The following ZSCAN1 variants were observed in gnomAD, a reference collection of about 807,000 sequenced individuals.
The protein encoded by ZSCAN1 is zinc finger and SCAN domain-containing protein 1.
Under a neutral mutation model 23.8 loss-of-function variants are expected in ZSCAN1, and 23 were observed. The ratio of observed to expected loss-of-function variants is 0.97; its 90% CI spans 0.70 to 1.37. The LOEUF (loss-of-function observed/expected upper bound fraction) is 1.37. Among genes scored for constraint, ZSCAN1 ranks in the 40% most tolerant of loss-of-function variants. The pLI is 0.00. For synonymous variants in ZSCAN1, 236 were observed against 232.3 expected (o/e 1.02, Z -0.15); for missense variants, 575 against 554.0 (o/e 1.04, Z -0.38).
intron 1 of ZSCAN1, 76 bp from the exon 2 acceptor site, chr19:58,035,894 C>T (rs1202417925): frequency 6.6e-6 from 1 of 152,198 alleles, no homozygotes; most frequent in African/African-American, 2.4e-5. Flanking sequence ...TTTCACTTGT[C>T]ATAAGCATTT....
In ZSCAN1 at chr19:58,038,064, G is replaced by C; in HGVS notation, c.228G>C (p.Gln76His). 1 of 1,611,970 alleles carries C rather than the reference G, an allele frequency of 6.2e-7. No individual in the cohort carries two copies. Among genetic ancestry groups the C allele is most frequent in the Non-Finnish European group, 8.5e-7 (1 of 1,179,828 alleles). The change falls in exon 3 of 6, where the codon CAG becomes CAC. Residue 76 changes from glutamine (Q) to histidine (H), a missense_variant. Transcript: ENST00000282326. Reference sequence around the variant, plus strand: ...GGCCCGAGGCGCGCTCCAAGGAGCAGATGCTGGAGCTGCTGGTGCTGGAGC... The same window carrying C: ...GGCCCGAGGCGCGCTCCAAGGAGCACATGCTGGAGCTGCTGGTGCTGGAGC... ...WLRPEARSKE[Q>H]MLELLVLEQF...
intron 3 of ZSCAN1, chr19:58,038,542 T>C (rs1215657823): frequency 3.6e-6 from 2 of 550,170 alleles, no homozygotes; most frequent in East Asian, 6.1e-5. Flanking sequence ...CTGCAGCGCC[T>C]CCTGCAACAC....
chr19:58,034,283 C>T (rs1288903780), intron 1 of ZSCAN1, 122 bp downstream of exon 1: 2 of 150,616 alleles, frequency 1.3e-5, no homozygotes, highest in Non-Finnish European at 3.0e-5. Context: ...CAGGGGCGCG[C>T]GTCGGGGGAG....
At chr19:58,050,432 T>C (rs1179811361) in intron 4 of ZSCAN1, among the ~76,000 whole-genome samples, 3 of 152,010 alleles carry the variant, frequency 2.0e-5, no homozygotes, top group Non-Finnish European at 4.4e-5. Flanking sequence ...TGAGACCCTG[T>C]CTCTAAATAA....
Position 58,054,189 on chromosome 19 carries a change from C to T in ZSCAN1, c.*138C>T, listed in dbSNP as rs2123448077. On this transcript the variant is annotated 3_prime_UTR_variant, in exon 6 of 6. Transcript: ENST00000282326. The surrounding 1 kb of genome is among the most constrained non-coding windows in gnomAD (Gnocchi z 4.2). ...TCCTCTTGAAGGACACAAGCTGTTTCTCGGAAGACCCTGGACACCTGCTCC... is the reference window on the plus strand; with the variant it reads ...TCCTCTTGAAGGACACAAGCTGTTTTTCGGAAGACCCTGGACACCTGCTCC... 7 of 1,212,972 alleles carry T rather than the reference C, an allele frequency of 5.8e-6. No individual in the cohort carries two copies. The highest frequency in any genetic ancestry group is 7.7e-6 in the Non-Finnish European group (7 of 903,868). The allele number at this position is 1,212,972 out of a possible 1,614,324, so 75.1% of individuals were successfully genotyped here.
In ZSCAN1 at chr19:58,047,067, C is replaced by T. The variant is rs1488468953; in HGVS notation, c.466-5423C>T. On this transcript the variant is annotated intron_variant, in intron 4 of 5. Coordinates refer to ENST00000282326, the MANE Select transcript of ZSCAN1 (RefSeq NM_182572.4). The surrounding 1 kb of genome is among the most constrained non-coding windows in gnomAD (Gnocchi z 4.9). ...AGGTGCCCCCCTGTGTGTGGCCTCA[C>T]GTCTCAGTGTCTGACTGTGCTGCCC... Among the ~76,000 whole-genome samples the T allele has an allele frequency of 1.3e-5, 2 of 152,212 alleles. No individual in the cohort carries two copies. Among genetic ancestry groups the T allele is most frequent in the South Asian group, 2.1e-4 (1 of 4,826 alleles).
chr19:58,037,099 G>A lies in ZSCAN1; in HGVS notation c.-109-629G>A, dbSNP rs539398920. On this transcript the variant is annotated intron_variant, in intron 2 of 5. Coordinates refer to ENST00000282326, the MANE Select transcript of ZSCAN1 (RefSeq NM_182572.4). Reference sequence around the variant, plus strand: ...AGCTTGGACCTGGTAGGAAAGTCAGGAAGACAGCAAAGATAACACCATGGG... The same window carrying A: ...AGCTTGGACCTGGTAGGAAAGTCAGAAAGACAGCAAAGATAACACCATGGG... 4.8e-3 allele frequency among the ~76,000 whole-genome samples: 731 copies of A among 152,276 alleles called. 2 individuals are homozygous for A. The highest frequency in any genetic ancestry group is 0.01 in the Middle Eastern group (3 of 294).
chr19:58,051,629 C>T (rs896752318), intron 4 of ZSCAN1, among the ~76,000 whole-genome samples: 36 of 152,216 alleles, frequency 2.4e-4, no homozygotes, highest in African/African-American at 8.4e-4. Flanking sequence ...CTTGTCAGTG[C>T]GTGCTTGACT....
chr19:58,048,208 T>C (rs1442418202), intron 4 of ZSCAN1, among the ~76,000 whole-genome samples: 1 of 152,246 alleles, frequency 6.6e-6, no homozygotes, highest in African/African-American at 2.4e-5. Context: ...TTCAATTATT[T>C]GAGAAAGAAG....
intron 4 of ZSCAN1, among the ~76,000 whole-genome samples, chr19:58,044,055 G>C (rs1365036262): frequency 6.6e-6 from 1 of 151,934 alleles, no homozygotes; most frequent in Non-Finnish European, 1.5e-5. Context: ...CGGATCACTA[G>C]AGGTCAGGCC....
rs1032591253 is a variant in ZSCAN1, at chr19:58,040,455, G to A, written c.376G>A (p.Val126Ile). 1.9e-6 allele frequency: 3 copies of A among 1,613,602 alleles called. No individual in the cohort carries two copies. Among genetic ancestry groups the A allele is most frequent in the Non-Finnish European group, 2.5e-6 (3 of 1,179,944 alleles). ...GATCCCTTTCTCCCGCACAGTTCTG[G>A]TATCTCTGGACTCGGTCGAACCCCA... ...LTQMCQQEVL[V>I]SLDSVEPQDW... The change falls in exon 4 of 6, where the codon GTA (valine) becomes ATA (isoleucine). Residue 126 changes from valine (V) to isoleucine (I), a missense_variant. Coordinates refer to ENST00000282326, the MANE Select transcript of ZSCAN1 (RefSeq NM_182572.4). The surrounding 1 kb of genome is among the most constrained non-coding windows in gnomAD (Gnocchi z 5.8).
rs202024954 is a variant in ZSCAN1 at position 58,053,740 on chromosome 19, C to T, written c.916C>T (p.His306Tyr). Residue 306 changes from histidine to tyrosine, a missense_variant, in exon 6 of 6, where the codon CAC becomes TAC. Physicochemically the swap from His to Tyr is moderately conservative, Grantham distance 83. Coordinates refer to ENST00000282326, the MANE Select transcript of ZSCAN1 (RefSeq NM_182572.4). The surrounding 1 kb of genome is among the most constrained non-coding windows in gnomAD (Gnocchi z 5.8). ...DCGMVFTWVT[H>Y]FIEHQKTHRE... Reference sequence around the variant, plus strand: ...TGGGATGGTCTTCACCTGGGTCACCCACTTCATCGAGCACCAGAAGACCCA... The same window carrying T: ...TGGGATGGTCTTCACCTGGGTCACCTACTTCATCGAGCACCAGAAGACCCA... The T allele has an allele frequency of 3.7e-5, 59 of 1,614,138 alleles. No homozygotes were observed. The highest frequency in any genetic ancestry group is 4.7e-5 in the Non-Finnish European group (55 of 1,180,030).
At chr19:58,034,298 G>A in intron 1 of ZSCAN1, 137 bp downstream of exon 1, 1 of 149,356 alleles carries the variant, frequency 6.7e-6, no homozygotes. Context: ...GGGGAGGCGG[G>A]CCCGGGCCCG....
chr19:58,054,014 A>G lies in ZSCAN1; in HGVS notation c.1190A>G (p.Asp397Gly). 6.5e-7 allele frequency: 1 copy of G among 1,550,164 alleles called. No homozygotes were observed. Among genetic ancestry groups the G allele is most frequent in the East Asian group, 2.3e-5 (1 of 43,638 alleles). Residue 397 changes from aspartate (D) to glycine (G), a missense_variant, in exon 6 of 6, where the codon GAC becomes GGC. Transcript: ENST00000282326. The surrounding 1 kb of genome is among the most constrained non-coding windows in gnomAD (Gnocchi z 4.2). Reference sequence around the variant, plus strand: ...TTCCCCTGGATGGTCCACCTCATTGACCACCAGAAGCTCCACACGGCCCAC... The same window carrying G: ...TTCCCCTGGATGGTCCACCTCATTGGCCACCAGAAGCTCCACACGGCCCAC... ...KAFPWMVHLIDHQKLHTAHGH... is the reference protein window; with the variant it reads ...KAFPWMVHLIGHQKLHTAHGH...
At position 58,052,573 on chromosome 19, in the gene ZSCAN1, G is replaced by A. The variant is rs1439970235; in HGVS notation, c.549G>A (p.Gln183=). 5.6e-6 allele frequency: 9 copies of A among 1,613,826 alleles called. No individual in the cohort carries two copies. Among genetic ancestry groups the A allele is most frequent in the Non-Finnish European group, 7.6e-6 (9 of 1,179,984 alleles). ...AGTGGCTGGAGACTACCCAGCTCCA[G>A]CAGAGTCTGCACACCAGGGCGGAGG... ...ESEWLETTQL[Q]QSLHTRAEAE... The change falls in exon 5 of 6, where the codon CAG becomes CAA. Residue 183 remains glutamine, a synonymous_variant. Transcript: ENST00000282326.
chr19:58,048,616 C>G (rs544893328), intron 4 of ZSCAN1, among the ~76,000 whole-genome samples: 1 of 152,290 alleles, frequency 6.6e-6, no homozygotes, highest in East Asian at 1.9e-4. Context: ...CGCCACTATG[C>G]CTGGCTAATT....
In ZSCAN1 at chr19:58,053,974, G is replaced by A. The variant is rs764113791; in HGVS notation, c.1150G>A (p.Val384Ile). The A allele has an allele frequency of 3.1e-5, 50 of 1,601,092 alleles. No individual in the cohort carries two copies. Among genetic ancestry groups the A allele is most frequent in the East Asian group, 9.0e-5 (4 of 44,462 alleles). The change falls in exon 6 of 6, where the codon GTC (valine) becomes ATC (isoleucine). Residue 384 changes from valine (V) to isoleucine (I), a missense_variant. Coordinates refer to ENST00000282326, the MANE Select transcript of ZSCAN1 (RefSeq NM_182572.4). This position sits in a 1 kb window ranked among gnomAD's most constrained non-coding sequence, Gnocchi z 5.8. The stretch of plus-strand genomic sequence containing the variant: ...CCCCAAAAGACCCTTCCAGTGTAGC[G>A]TCTGCGGGAAGGCCTTCCCCTGGAT... ...RSPKRPFQCSVCGKAFPWMVH... is the reference protein window; with the variant it reads ...RSPKRPFQCSICGKAFPWMVH...
At position 58,053,287 on chromosome 19, in the gene ZSCAN1, G is replaced by A. The variant is rs189703041; in HGVS notation, c.605-142G>A. 165 of 1,056,586 alleles carry A rather than the reference G, an allele frequency of 1.6e-4. No homozygotes were observed. In the East Asian group the frequency reaches 3.0e-3, roughly 19 times the overall value. The allele number at this position is 1,056,586 out of a possible 1,614,324, so 65.5% of individuals were successfully genotyped here. A position where few individuals can be genotyped will look rare whatever the true frequency, so the allele number is the denominator to read the frequency against. ...GCCCTTGTATCTTAAAGGACAGAACGGAGGACACAGGGGCCGTATTGAGCA... is the reference window on the plus strand; with the variant it reads ...GCCCTTGTATCTTAAAGGACAGAACAGAGGACACAGGGGCCGTATTGAGCA... On this transcript the variant is annotated intron_variant, in intron 5 of 5. Coordinates refer to ENST00000282326, the MANE Select transcript of ZSCAN1 (RefSeq NM_182572.4). This position sits in a 1 kb window ranked among gnomAD's most constrained non-coding sequence, Gnocchi z 5.8.
In ZSCAN1 at chr19:58,034,132, T is replaced by C. The variant is rs495839; in HGVS notation, c.-181T>C. On this transcript the variant is annotated 5_prime_UTR_variant, in exon 1 of 6. Coordinates refer to ENST00000282326, the MANE Select transcript of ZSCAN1 (RefSeq NM_182572.4). ...CAGCCCAGGGGTCGCCATGACCGAGTGGCCCAGGCCCGAGCGAAGCCCGCG... is the reference window on the plus strand; with the variant it reads ...CAGCCCAGGGGTCGCCATGACCGAGCGGCCCAGGCCCGAGCGAAGCCCGCG... The C allele has an allele frequency of 0.89, 134,939 of 151,110 alleles. 60,969 individuals carry two copies. Among genetic ancestry groups the C allele is most frequent in the African/African-American group, 0.94 (38,974 of 41,410 alleles). The allele number at this position is 151,110 out of a possible 1,614,324, so 9.4% of individuals were successfully genotyped here.
Sources: gnomAD v4.1 joint callset for allele counts (sites outside exome capture counted in the v4.1 genomes callset) on GRCh38, gnomAD v4.1.1 for gene constraint, Gnocchi (gnomAD v3.1) non-coding constraint, MANE v1.5 for transcripts, NCBI Gene and HGNC (gene_info 2026-07-23, HGNC 2026-07-21) for gene names.